The following EPN2 variants were observed in gnomAD, a reference collection of about 807,000 sequenced individuals.
EPN2 encodes the protein epsin-2.
In EPN2, 34 loss-of-function variants were observed where a neutral mutation model predicts 61.7. That is an observed-to-expected ratio of 0.55 (90% CI 0.42 to 0.73). EPN2 has a LOEUF of 0.73. Among genes scored for constraint, EPN2 ranks in the 30% least tolerant of loss-of-function variants. The pLI is 0.00. For missense variants in EPN2, 714 were observed against 839.2 expected, an observed-to-expected ratio of 0.85 and a Z score of 1.84; for synonymous variants, 349 against 353.6, an observed-to-expected ratio of 0.99 and a Z score of 0.15.
intron 4 of EPN2, among the ~76,000 whole-genome samples, chr17:19,288,121 A>G (rs996434617): frequency 2.6e-5 from 4 of 152,182 alleles, no homozygotes; most frequent in African/African-American, 7.2e-5. Context: ...TGCAGACCTC[A>G]GTTGCTTCCA....
At chr17:19,262,705 C>T (rs1480294229) in intron 1 of EPN2, among the ~76,000 whole-genome samples, 1 of 150,352 alleles carries the variant, frequency 6.7e-6, no homozygotes, top group Non-Finnish European at 1.5e-5. Flanking sequence ...ATTTTATTAC[C>T]CCCAAAAGCA....
At chr17:19,326,373 C>G (rs952719268) in intron 7 of EPN2, among the ~76,000 whole-genome samples, 1 of 152,064 alleles carries the variant, frequency 6.6e-6, no homozygotes, top group South Asian at 2.1e-4. Context: ...TCTCATAACA[C>G]TGTTTGTGAG....
chr17:19,244,935 CG>C (rs2044928260), intron 1 of EPN2, among the ~76,000 whole-genome samples: 1 of 152,160 alleles, frequency 6.6e-6, no homozygotes. Flanking sequence ...TTTATTTCCA[CG>C]ACCTCATTTG....
At chr17:19,301,660 C>T (rs1905525900) in intron 4 of EPN2, among the ~76,000 whole-genome samples, 1 of 152,228 alleles carries the variant, frequency 6.6e-6, no homozygotes, top group African/African-American at 2.4e-5. Flanking sequence ...CCTCTGCTGA[C>T]ACTAGCCTCA....
chr17:19,274,895 T>G (rs2045291232), intron 1 of EPN2, among the ~76,000 whole-genome samples: 1 of 152,208 alleles, frequency 6.6e-6, no homozygotes, highest in African/African-American at 2.4e-5. Context: ...TTCTGTTTGC[T>G]GTTTTGTTTA....
In EPN2 at chr17:19,285,866, C is replaced by G; in HGVS notation, c.766+76C>G. ...TGGGGGTGTGCTTGCCATGCCAGTA[C>G]AGCCAACTCTCTCCCTGTCTCCTCT... On this transcript the variant is annotated intron_variant, in intron 4 of 10. Transcript: ENST00000314728. This position sits in a 1 kb window ranked among gnomAD's most constrained non-coding sequence, Gnocchi z 4.5. 1 of 1,443,884 alleles carries G rather than the reference C, an allele frequency of 6.9e-7. No homozygotes were observed. Among genetic ancestry groups the G allele is most frequent in the South Asian group, 1.5e-5 (1 of 68,510 alleles). 89.4% of individuals were successfully genotyped at this position (1,443,884 alleles called of 1,614,324 possible). A position where few individuals can be genotyped will look rare whatever the true frequency, so the allele number is the denominator to read the frequency against.
chr17:19,312,346 C>T (rs1906181905), intron 6 of EPN2, among the ~76,000 whole-genome samples: 1 of 152,152 alleles, frequency 6.6e-6, no homozygotes, highest in Non-Finnish European at 1.5e-5. Context: ...ACTTAATGTC[C>T]CAGTGCCTCA....
intron 1 of EPN2, among the ~76,000 whole-genome samples, chr17:19,242,322 T>C (rs1014163186): frequency 8.5e-5 from 13 of 152,114 alleles, no homozygotes; most frequent in African/African-American, 3.1e-4. Flanking sequence ...ACACCTGTAG[T>C]CCCAGCTACT....
intron 1 of EPN2, among the ~76,000 whole-genome samples, chr17:19,238,818 A>G (rs1052481586): frequency 2.0e-5 from 3 of 152,220 alleles, no homozygotes; most frequent in African/African-American, 7.2e-5. Flanking sequence ...ACCTCCAGAA[A>G]ATATCCTGTG....
At chr17:19,256,247 C>T (rs1241223455) in intron 1 of EPN2, among the ~76,000 whole-genome samples, 1 of 151,850 alleles carries the variant, frequency 6.6e-6, no homozygotes, top group East Asian at 1.9e-4. Flanking sequence ...CCAGTCCTTC[C>T]TGTTGTAATT....
At chr17:19,266,876 A>G (rs1047300558) in intron 1 of EPN2, among the ~76,000 whole-genome samples, 1 of 150,204 alleles carries the variant, frequency 6.7e-6, no homozygotes, top group Non-Finnish European at 1.5e-5. Flanking sequence ...ACATAATGCA[A>G]CACGGATGAA....
intron 4 of EPN2, among the ~76,000 whole-genome samples, chr17:19,289,531 G>T (rs1277701554): frequency 1.3e-5 from 2 of 152,044 alleles, no homozygotes. Flanking sequence ...GGCTGTGGGT[G>T]CAGTAGGTTA....
chr17:19,264,323 C>G (rs1450817184), intron 1 of EPN2, among the ~76,000 whole-genome samples: 2 of 152,182 alleles, frequency 1.3e-5, no homozygotes, highest in Non-Finnish European at 2.9e-5. Context: ...AAAAAATTCC[C>G]CTCCTGTTGG....
chr17:19,312,387 T>A (rs1447202064), intron 6 of EPN2, among the ~76,000 whole-genome samples: 2 of 152,222 alleles, frequency 1.3e-5, no homozygotes. Flanking sequence ...GAGGTGATGA[T>A]AGTGCCTGCC....
intron 4 of EPN2, among the ~76,000 whole-genome samples, chr17:19,295,370 G>GCGCGCGCA (rs1227756316): frequency 2.3e-5 from 3 of 129,902 alleles, no homozygotes; most frequent in Non-Finnish European, 1.6e-5. Flanking sequence ...ACACACACGC[G>GCGCGCGCA]CGTGCGCGCA....
chr17:19,328,777 C>T lies in EPN2; in HGVS notation c.1214C>T (p.Pro405Leu). ...ACTGGAGCCACCGTACAATCTGTCCCCAAGAACTCGGACCCCTGGGCAGCT... is the reference window on the plus strand; with the variant it reads ...ACTGGAGCCACCGTACAATCTGTCCTCAAGAACTCGGACCCCTGGGCAGCT... ...VPTGATVQSV[P>L]KNSDPWAASQ... The change falls in exon 8 of 11, where the codon CCC becomes CTC. Residue 405 changes from proline (P) to leucine (L), a missense_variant. Coordinates refer to ENST00000314728, the MANE Select transcript of EPN2 (RefSeq NM_014964.5). The T allele has an allele frequency of 1.2e-6, 2 of 1,613,622 alleles. No homozygotes were observed.
At chr17:19,263,641 T>C (rs1175304755) in intron 1 of EPN2, among the ~76,000 whole-genome samples, 2 of 152,232 alleles carry the variant, frequency 1.3e-5, no homozygotes, top group African/African-American at 4.8e-5. Context: ...TCTTGTGTAA[T>C]GCCTGCCTTG....
intron 1 of EPN2, among the ~76,000 whole-genome samples, chr17:19,269,192 A>G (rs28760541): frequency 0.44 from 66,720 of 152,182 alleles, 21,478 homozygotes; most frequent in East Asian, 0.99. Flanking sequence ...GCTGGCTCAT[A>G]CCTTTTGTGG....
chr17:19,303,080 G>A (rs1054777986), intron 4 of EPN2, among the ~76,000 whole-genome samples: 2 of 152,228 alleles, frequency 1.3e-5, no homozygotes, highest in African/African-American at 4.8e-5. Flanking sequence ...AATGTGAACA[G>A]CTGTTTCCTC....
Sources: gnomAD v4.1 joint callset for allele counts (sites outside exome capture counted in the v4.1 genomes callset) on GRCh38, gnomAD v4.1.1 for gene constraint, Gnocchi (gnomAD v3.1) non-coding constraint, MANE v1.5 for transcripts, NCBI Gene and HGNC (gene_info 2026-07-23, HGNC 2026-07-21) for gene names.